Variants in SPHK2 observed in about 807,000 individuals in gnomAD.
SPHK2 encodes sphingosine kinase 2.
SPHK2 carries 18 observed loss-of-function variants against 32.3 expected under a neutral mutation model. The observed-to-expected ratio is 0.56, with a 90% CI of 0.39 to 0.83. The LOEUF is 0.83. Among genes scored for constraint, SPHK2 ranks in the 40% least tolerant of loss-of-function variants. The probability of loss-of-function intolerance (pLI) is 0.00; values close to 1 mark genes in which losing one functional copy is unlikely to be tolerated. For missense variants in SPHK2, 850 were observed against 908.7 expected, an observed-to-expected ratio of 0.94 and a Z score of 0.83; for synonymous variants, 462 against 417.6, an observed-to-expected ratio of 1.11 and a Z score of -1.30.
chr19:48,629,914 G>A lies in SPHK2; in HGVS notation c.*141G>A. On this transcript the variant is annotated 3_prime_UTR_variant, in exon 7 of 7. Transcript: ENST00000245222. ...TCTCAGGATTGCGCTCGCTTTCATG[G>A]GACCAGACGTGATGCTGGAAGGTGG... 7.0e-7 allele frequency: 1 copy of A among 1,430,048 alleles called. No homozygotes were observed. Among genetic ancestry groups the A allele is most frequent in the Non-Finnish European group, 9.1e-7 (1 of 1,094,376 alleles). 88.6% of individuals were successfully genotyped at this position (1,430,048 alleles called of 1,614,324 possible).
At chr19:48,625,553 TTATC>T in intron 2 of SPHK2, 1 of 1,317,510 alleles carries the variant, frequency 7.6e-7, no homozygotes, top group Non-Finnish European at 9.9e-7. Flanking sequence ...TTTCTCTTGT[TTATC>T]TATTCCTATG....
chr19:48,628,434 C>A lies in SPHK2; in HGVS notation c.872+157C>A, dbSNP rs1326765773. ...CCTGGACATTTTTGCCTGCCTGCTT[C>A]CCAGCTGTATCCCGAGCGCCCAGAA... On this transcript the variant is annotated intron_variant, in intron 6 of 6. Coordinates refer to ENST00000245222, the MANE Select transcript of SPHK2 (RefSeq NM_020126.5). The surrounding 1 kb of genome is among the most constrained non-coding windows in gnomAD (Gnocchi z 5.2). The A allele has an allele frequency of 6.5e-6, 6 of 923,550 alleles. No individual in the cohort carries two copies. The highest frequency in any genetic ancestry group is 1.1e-5 in the Non-Finnish European group (6 of 563,738). The allele number at this position is 923,550 out of a possible 1,614,324, so 57.2% of individuals were successfully genotyped here.
rs562233822 is a variant in SPHK2, at chr19:48,629,911, A to C, written c.*138A>C. On this transcript the variant is annotated 3_prime_UTR_variant, in exon 7 of 7. Coordinates refer to ENST00000245222, the MANE Select transcript of SPHK2 (RefSeq NM_020126.5). ...CCGTCTCAGGATTGCGCTCGCTTTC[A>C]TGGGACCAGACGTGATGCTGGAAGG... 14 of 1,434,606 alleles carry C rather than the reference A, an allele frequency of 9.8e-6. No homozygotes were observed. The highest frequency in any genetic ancestry group is 1.3e-5 in the Non-Finnish European group (14 of 1,096,434). 88.9% of individuals were successfully genotyped at this position (1,434,606 alleles called of 1,614,324 possible). A position where few individuals can be genotyped will look rare whatever the true frequency, so the allele number is the denominator to read the frequency against.
Position 48,629,698 on chromosome 19 carries a change from G to A in SPHK2, c.1890G>A (p.Pro630=). The change falls in exon 7 of 7, where the codon CCG becomes CCA. Residue 630 remains proline, a synonymous_variant. Coordinates refer to ENST00000245222, the MANE Select transcript of SPHK2 (RefSeq NM_020126.5). Reference sequence around the variant, plus strand: ...ACGGGGAGCAGGTGGAGTATGGGCCGCTACAGGCACAGATGCACCCTGGCA... The same window carrying A: ...ACGGGGAGCAGGTGGAGTATGGGCCACTACAGGCACAGATGCACCCTGGCA... The part of the protein sequence containing the change: ...TVDGEQVEYG[P]LQAQMHPGIG... 1.2e-6 allele frequency: 2 copies of A among 1,609,510 alleles called. No individual in the cohort carries two copies. Among genetic ancestry groups the A allele is most frequent in the Non-Finnish European group, 1.7e-6 (2 of 1,178,326 alleles).
At chr19:48,625,459 A>C (rs1294254333) in intron 2 of SPHK2, 2 of 1,197,236 alleles carry the variant, frequency 1.7e-6, no homozygotes, top group Admixed American at 7.3e-5. Flanking sequence ...CTGCATATCC[A>C]ATCCCACTAT....
chr19:48,627,268 G>A (rs1484834592), intron 3 of SPHK2, among the ~76,000 whole-genome samples: 1 of 152,222 alleles, frequency 6.6e-6, no homozygotes, highest in Non-Finnish European at 1.5e-5. Flanking sequence ...GTCACCCAGG[G>A]TGGTGAGAGC....
chr19:48,629,607 T>G lies in SPHK2; in HGVS notation c.1799T>G (p.Leu600Arg). 6.3e-7 allele frequency: 1 copy of G among 1,599,422 alleles called. No individual in the cohort carries two copies. Among genetic ancestry groups the G allele is most frequent in the Non-Finnish European group, 8.5e-7 (1 of 1,173,454 alleles). ...GSHFSLGCPQ[L>R]GYAAARAFRL... The stretch of plus-strand genomic sequence containing the variant: ...CACTTCAGCCTGGGCTGTCCGCAGC[T>G]GGGCTACGCCGCGGCCCGTGCCTTC... The change falls in exon 7 of 7, where the codon CTG becomes CGG. Residue 600 changes from leucine to arginine, a missense_variant. By Grantham distance (102) the Leu-to-Arg change is moderately radical. This residue lies in a region of SPHK2 where 306 missense variants were observed against 268.6 expected (regional missense o/e 1.14). Transcript: ENST00000245222.
rs374541729 is a variant in SPHK2 at position 48,628,296 on chromosome 19, G to C, written c.872+19G>C. The C allele has an allele frequency of 2.5e-6, 4 of 1,606,122 alleles. No homozygotes were observed. In the South Asian group the frequency reaches 3.3e-5, roughly 13 times the overall value. ...ACGGGGGGTAGGTTGAGGATACCAC[G>C]AAGGGAGGGATGAGCCCCTCCTGGG... On this transcript the variant is annotated intron_variant, in intron 6 of 6. Transcript: ENST00000245222. The surrounding 1 kb of genome is among the most constrained non-coding windows in gnomAD (Gnocchi z 5.2).
In SPHK2 at chr19:48,626,279, A is replaced by T; in HGVS notation, c.428A>T (p.Tyr143Phe). The change falls in exon 3 of 7, where the codon TAC becomes TTC. Residue 143 changes from tyrosine to phenylalanine, a missense_variant. Tyr to Phe is a conservative substitution (Grantham distance 22). This residue lies in a region of SPHK2 where 544 missense variants were observed against 640.0 expected (regional missense o/e 0.85). Transcript: ENST00000245222. ...RTFRADGAAT[Y>F]EENRAEAQRW... ...TTCCGGGCAGATGGGGCCGCCACCT[A>T]CGAAGAGAACCGTGCCGAGGCCCAG... is the stretch of plus-strand genomic sequence containing the variant. The T allele has an allele frequency of 6.3e-7, 1 of 1,594,506 alleles. No individual in the cohort carries two copies. Among genetic ancestry groups the T allele is most frequent in the Non-Finnish European group, 8.5e-7 (1 of 1,177,708 alleles).
Position 48,620,391 on chromosome 19 carries a change from C to T in SPHK2, c.-113-11C>T, listed in dbSNP as rs1314483509. 1 of 731,764 alleles carries T rather than the reference C, an allele frequency of 1.4e-6. No homozygotes were observed. Among genetic ancestry groups the T allele is most frequent in the African/African-American group, 1.8e-5 (1 of 55,578 alleles). The allele number at this position is 731,764 out of a possible 1,614,324, so 45.3% of individuals were successfully genotyped here. A position where few individuals can be genotyped will look rare whatever the true frequency, so the allele number is the denominator to read the frequency against. On this transcript the variant is annotated splice_polypyrimidine_tract_variant and intron_variant, in intron 1 of 6. Transcript: ENST00000245222. ...TGTCAATGCTGCTCCTCACTTACCT[C>T]TCCTCCACAGAGCTGAAGGTCAGGC...
chr19:48,622,319 T>A (rs143299342), intron 2 of SPHK2, among the ~76,000 whole-genome samples: 1 of 151,952 alleles, frequency 6.6e-6, no homozygotes, highest in Non-Finnish European at 1.5e-5. Flanking sequence ...TCAGGGGGAA[T>A]TGGGTTTTTT....
intron 1 of SPHK2, among the ~76,000 whole-genome samples, chr19:48,619,962 C>G (rs1974336203): frequency 6.6e-6 from 1 of 152,006 alleles, no homozygotes; most frequent in Admixed American, 6.6e-5. Context: ...GAGATGGGGC[C>G]TTGCAAGGCT....
chr19:48,621,899 G>C (rs1974419535), intron 2 of SPHK2, among the ~76,000 whole-genome samples: 2 of 152,128 alleles, frequency 1.3e-5, no homozygotes, highest in African/African-American at 4.8e-5. Flanking sequence ...ACGATGCCTG[G>C]GAAAGGGAGT....
At chr19:48,621,342 G>A (rs1974398418) in intron 2 of SPHK2, among the ~76,000 whole-genome samples, 1 of 152,096 alleles carries the variant, frequency 6.6e-6, no homozygotes, top group Non-Finnish European at 1.5e-5. Flanking sequence ...GCCTCCCAAA[G>A]TGCTGGGATT....
At position 48,627,792 on chromosome 19, in the gene SPHK2, G is replaced by A. The variant is rs2030058692; in HGVS notation, c.612G>A (p.Val204=). ...GLAWQWCKNH[V]LPMISEAGLS... is the part of the protein sequence containing the mutation. ...CCTGGCAGTGGTGTAAGAACCACGT[G>A]CTTCCCATGATCTCTGAAGCTGGGC... Residue 204 remains valine, a synonymous_variant, in exon 4 of 7, where the codon GTG becomes GTA. Transcript: ENST00000245222. The A allele has an allele frequency of 6.2e-7, 1 of 1,613,850 alleles. No homozygotes were observed. Among genetic ancestry groups the A allele is most frequent in the Non-Finnish European group, 8.5e-7 (1 of 1,179,962 alleles).
At position 48,630,317 on chromosome 19, in the gene SPHK2, CCT is replaced by C. The variant is rs1050364252; in HGVS notation, c.*545_*546del. 6 of 1,302,752 alleles carry C rather than the reference CCT, an allele frequency of 4.6e-6. No homozygotes were observed. In the Admixed American group the frequency reaches 1.5e-4, roughly 32 times the overall value. The allele number at this position is 1,302,752 out of a possible 1,614,324, so 80.7% of individuals were successfully genotyped here. A position where few individuals can be genotyped will look rare whatever the true frequency, so the allele number is the denominator to read the frequency against. ...GGTGGGGGCGGGGAAATTCATATCC[CCT>C]GTTCGTCTCATGCGCGTCCTCCGTC... On this transcript the variant is annotated 3_prime_UTR_variant, in exon 7 of 7. Transcript: ENST00000245222. The surrounding 1 kb of genome is among the most constrained non-coding windows in gnomAD (Gnocchi z 4.9).
chr19:48,625,550 T>G, intron 2 of SPHK2: 4 of 1,299,890 alleles, frequency 3.1e-6, no homozygotes, highest in Non-Finnish European at 2.0e-6. Flanking sequence ...TCCTTTCTCT[T>G]GTTTATCTAT....
chr19:48,622,127 C>T (rs983177166), intron 2 of SPHK2, among the ~76,000 whole-genome samples: 1 of 151,976 alleles, frequency 6.6e-6, no homozygotes. Flanking sequence ...CATGGTGGCG[C>T]GCGCCTGTAG....
At chr19:48,622,739 C>T (rs1974452862) in intron 2 of SPHK2, among the ~76,000 whole-genome samples, 1 of 141,890 alleles carries the variant, frequency 7.0e-6, no homozygotes, top group African/African-American at 2.6e-5. Context: ...AAGCAAACTT[C>T]TTCCTACATT....
Sources: gnomAD v4.1 joint callset for allele counts (sites outside exome capture counted in the v4.1 genomes callset) on GRCh38, gnomAD v4.1.1 for gene constraint, gnomAD v4.1.1 regional missense constraint, Gnocchi (gnomAD v3.1) non-coding constraint, MANE v1.5 for transcripts, NCBI Gene and HGNC (gene_info 2026-07-23, HGNC 2026-07-21) for gene names.